MTUS2: variants seen among roughly 807,000 people sequenced by gnomAD.
MTUS2 encodes the protein microtubule associated scaffold protein 2.
In MTUS2, 40 loss-of-function variants were observed where a neutral mutation model predicts 114.1. The observed-to-expected ratio is 0.35, with a 90% confidence interval of 0.27 to 0.46. MTUS2 has a LOEUF of 0.46. Among genes scored for constraint, MTUS2 ranks in the 20% least tolerant of loss-of-function variants. The pLI is 1.00. For synonymous variants in MTUS2, 688 were observed against 672.0 expected (o/e 1.02, Z -0.37); for missense variants, 1,679 against 1,705.4 (o/e 0.98, Z 0.27).
At chr13:29,261,513 T>G (rs570040477) in intron 5 of MTUS2, among the ~76,000 whole-genome samples, 9 of 152,324 alleles carry the variant, frequency 5.9e-5, no homozygotes, top group African/African-American at 2.2e-4. Flanking sequence ...AGCTTCAATA[T>G]AACTAATCAG....
chr13:29,263,709 C>A (rs935994609), intron 5 of MTUS2, among the ~76,000 whole-genome samples: 1 of 152,144 alleles, frequency 6.6e-6, no homozygotes, highest in Middle Eastern at 3.4e-3. Context: ...CACACTTTTA[C>A]AAAACAAGAT....
chr13:29,040,311 A>G (rs559219860), intron 4 of MTUS2, among the ~76,000 whole-genome samples: 1 of 152,284 alleles, frequency 6.6e-6, no homozygotes, highest in East Asian at 1.9e-4. Flanking sequence ...TTCCTTTTTA[A>G]GGCTCATTAG....
Position 29,015,974 on chromosome 13 carries a change from G to A in MTUS2, c.-242-8483G>A, listed in dbSNP as rs1034322463. Reference sequence around the variant, plus strand: ...GGCTGGAGTGCAATGGTGCCATCTCGGCCCAGTGCAACCTCCGCCTCCTGG... The same window carrying A: ...GGCTGGAGTGCAATGGTGCCATCTCAGCCCAGTGCAACCTCCGCCTCCTGG... On this transcript the variant is annotated intron_variant, in intron 2 of 15. Transcript: ENST00000612955. Among the ~76,000 whole-genome samples, 4 of 151,578 alleles carry A rather than the reference G, an allele frequency of 2.6e-5. No individual in the cohort carries two copies. The South Asian group carries it at 6.3e-4, about 24-fold the overall frequency.
At chr13:28,955,037 G>A (rs1156630509) in intron 2 of MTUS2, among the ~76,000 whole-genome samples, 1 of 152,170 alleles carries the variant, frequency 6.6e-6, no homozygotes, top group African/African-American at 2.4e-5. Context: ...TGGTCTTACA[G>A]GTAAGAAAAC....
At chr13:29,379,139 A>C (rs947381614) in intron 8 of MTUS2, among the ~76,000 whole-genome samples, 3 of 152,240 alleles carry the variant, frequency 2.0e-5, no homozygotes, top group African/African-American at 7.2e-5. Flanking sequence ...TAAGTCAATT[A>C]AACCTCTTTC....
intron 14 of MTUS2, among the ~76,000 whole-genome samples, chr13:29,500,471 A>C (rs1003985755): frequency 2.0e-5 from 3 of 152,158 alleles, no homozygotes; most frequent in Non-Finnish European, 2.9e-5. Context: ...AAAGGCATCA[A>C]TTGCCGGGGA....
intron 2 of MTUS2, among the ~76,000 whole-genome samples, chr13:28,920,682 T>C (rs80295622): frequency 0.028 from 4,202 of 152,330 alleles, 94 homozygotes; most frequent in Non-Finnish European, 0.04. Context: ...CCAAAGATGC[T>C]GCCTGGGAGC....
At chr13:29,013,962 G>A (rs180876528) in intron 2 of MTUS2, among the ~76,000 whole-genome samples, 15 of 152,234 alleles carry the variant, frequency 9.9e-5, no homozygotes, top group Admixed American at 5.2e-4. Context: ...CTATATGTAC[G>A]TCATATCATT....
chr13:29,084,785 C>G (rs527918363), intron 4 of MTUS2, among the ~76,000 whole-genome samples: 4 of 110,858 alleles, frequency 3.6e-5, no homozygotes, highest in Admixed American at 8.7e-5. Context: ...TGATCCACCC[C>G]CCCCCCTCAC....
At chr13:29,039,338 C>T (rs1887236646) in intron 4 of MTUS2, among the ~76,000 whole-genome samples, 1 of 152,190 alleles carries the variant, frequency 6.6e-6, no homozygotes, top group Non-Finnish European at 1.5e-5. Context: ...GCCAAGTGTG[C>T]AGAGCTTGGT....
At chr13:28,891,508 G>A (rs1878920907) in intron 2 of MTUS2, among the ~76,000 whole-genome samples, 1 of 152,100 alleles carries the variant, frequency 6.6e-6, no homozygotes, top group East Asian at 1.9e-4. Flanking sequence ...TGAGGGAGGA[G>A]CTTTGTAAAT....
chr13:28,877,170 T>C (rs927031081), intron 2 of MTUS2, among the ~76,000 whole-genome samples: 4 of 150,674 alleles, frequency 2.7e-5, no homozygotes, highest in Non-Finnish European at 4.4e-5. Flanking sequence ...AAAAAAAAAT[T>C]AGCTGGGCGT....
intron 8 of MTUS2, among the ~76,000 whole-genome samples, chr13:29,394,970 C>G (rs1873802401): frequency 6.6e-6 from 1 of 152,196 alleles, no homozygotes; most frequent in South Asian, 2.1e-4. Flanking sequence ...AAATCAGTCC[C>G]TGGTGCCAAC....
intron 2 of MTUS2, among the ~76,000 whole-genome samples, chr13:28,940,764 A>T (rs1238335777): frequency 6.6e-6 from 1 of 152,186 alleles, no homozygotes; most frequent in Non-Finnish European, 1.5e-5. Context: ...GGACATAAAA[A>T]GGAATTAGAA....
intron 2 of MTUS2, among the ~76,000 whole-genome samples, chr13:28,890,931 C>G (rs982495512): frequency 6.6e-6 from 1 of 152,120 alleles, no homozygotes; most frequent in Non-Finnish European, 1.5e-5. Flanking sequence ...GCATTTTACC[C>G]TTTGACATCA....
chr13:29,089,672 C>A (rs534017184), intron 4 of MTUS2, among the ~76,000 whole-genome samples: 1 of 152,140 alleles, frequency 6.6e-6, no homozygotes, highest in South Asian at 2.1e-4. Context: ...TTTTTGTCTG[C>A]ATGGATTCAA....
At chr13:29,023,906 A>G (rs1392635634) in intron 2 of MTUS2, among the ~76,000 whole-genome samples, 1 of 152,200 alleles carries the variant, frequency 6.6e-6, no homozygotes, top group Non-Finnish European at 1.5e-5. Flanking sequence ...GTTAAATTTG[A>G]TCACGTGGTT....
intron 2 of MTUS2, among the ~76,000 whole-genome samples, chr13:29,010,687 G>A (rs938424543): frequency 2.6e-5 from 4 of 152,002 alleles, no homozygotes; most frequent in African/African-American, 9.7e-5. Context: ...AATCCCTGTC[G>A]ACATCAGTGA....
At chr13:29,057,189 A>ATTT (rs1463213887) in intron 4 of MTUS2, among the ~76,000 whole-genome samples, 1 of 151,982 alleles carries the variant, frequency 6.6e-6, no homozygotes, top group Non-Finnish European at 1.5e-5. Context: ...GGTTTTTAAA[A>ATTT]ATTTGCTGAA....
Sources: allele counts gnomAD v4.1 joint callset (sites outside exome capture counted in the v4.1 genomes callset), GRCh38; gene constraint gnomAD v4.1.1; transcripts MANE v1.5; gene names NCBI Gene and HGNC (gene_info 2026-07-23, HGNC 2026-07-21).